RBKS: variants seen among roughly 807,000 people sequenced by gnomAD.
RBKS encodes ribokinase.
In RBKS, 33 loss-of-function variants were observed where a neutral mutation model predicts 33.9. The ratio of observed to expected loss-of-function variants is 0.97; its 90% CI spans 0.74 to 1.30. The LOEUF (loss-of-function observed/expected upper bound fraction) is 1.30. RBKS is among the 50% of genes most tolerant of loss of function. The pLI is 0.00. For synonymous variants in RBKS, 125 were observed against 143.0 expected, an observed-to-expected ratio of 0.87 and a Z score of 0.90; for missense variants, 361 against 392.6, an observed-to-expected ratio of 0.92 and a Z score of 0.68.
intron 7 of RBKS, among the ~76,000 whole-genome samples, chr2:27,811,761 C>G (rs928607217): frequency 2.6e-5 from 4 of 152,282 alleles, no homozygotes; most frequent in East Asian, 3.9e-4. Context: ...AAAACTAGCA[C>G]GGCAAGAGCA....
intron 7 of RBKS, among the ~76,000 whole-genome samples, chr2:27,803,210 A>G (rs903324327): frequency 6.6e-6 from 1 of 152,134 alleles, no homozygotes; most frequent in Non-Finnish European, 1.5e-5. Flanking sequence ...CTGAACCTCA[A>G]CCTTGCAGCC....
At chr2:27,799,220 G>A (rs929822301) in intron 7 of RBKS, among the ~76,000 whole-genome samples, 1 of 152,222 alleles carries the variant, frequency 6.6e-6, no homozygotes, top group Non-Finnish European at 1.5e-5. Flanking sequence ...TGATGGGTAT[G>A]AAGTGTAGCT....
intron 1 of RBKS, among the ~76,000 whole-genome samples, chr2:27,863,951 G>A (rs1039773792): frequency 3.3e-5 from 5 of 152,046 alleles, no homozygotes; most frequent in African/African-American, 4.8e-5. Flanking sequence ...ATTTGCAGAC[G>A]TATATGTTAT....
chr2:27,786,912 C>T (rs969143040), intron 7 of RBKS, among the ~76,000 whole-genome samples: 1 of 152,220 alleles, frequency 6.6e-6, no homozygotes, highest in Non-Finnish European at 1.5e-5. Flanking sequence ...ACTGTGTGTG[C>T]TGGAAGCATT....
At chr2:27,804,191 C>T (rs1226503211) in intron 7 of RBKS, among the ~76,000 whole-genome samples, 1 of 152,120 alleles carries the variant, frequency 6.6e-6, no homozygotes, top group Non-Finnish European at 1.5e-5. Flanking sequence ...AATTCATTAG[C>T]TATTGGATTT....
chr2:27,824,107 G>A (rs1011076264), intron 7 of RBKS, among the ~76,000 whole-genome samples: 13 of 151,998 alleles, frequency 8.6e-5, no homozygotes, highest in Non-Finnish European at 1.2e-4. Flanking sequence ...ACCTATTCTG[G>A]ATATTTCATA....
At chr2:27,884,959 C>T (rs1430117235) in intron 1 of RBKS, among the ~76,000 whole-genome samples, 1 of 152,166 alleles carries the variant, frequency 6.6e-6, no homozygotes, top group Non-Finnish European at 1.5e-5. Context: ...AGCCTCATGG[C>T]TTTAAATACC....
At position 27,890,326 on chromosome 2, in the gene RBKS, G is replaced by T; in HGVS notation, c.20C>A (p.Pro7His). 6.2e-7 allele frequency: 1 copy of T among 1,613,692 alleles called. No homozygotes were observed. The highest frequency in any genetic ancestry group is 8.5e-7 in the Non-Finnish European group (1 of 1,179,992). MAASGE[P>H]QRQWQEEVAA... Reference sequence around the variant, plus strand: ...CACCTCCTCTTGCCACTGCCTCTGGGGTTCCCCAGACGCCGCCATCGCTCA... The same window carrying T: ...CACCTCCTCTTGCCACTGCCTCTGGTGTTCCCCAGACGCCGCCATCGCTCA... The change falls in exon 1 of 8, where the codon CCC becomes CAC. Residue 7 changes from proline to histidine, a missense_variant. Physicochemically the swap from Pro to His is moderately conservative, Grantham distance 77. Coordinates refer to ENST00000302188, the MANE Select transcript of RBKS (RefSeq NM_022128.3). This position sits in a 1 kb window ranked among gnomAD's most constrained non-coding sequence, Gnocchi z 4.8.
At chr2:27,829,965 G>A (rs1420035378) in intron 6 of RBKS, among the ~76,000 whole-genome samples, 3 of 152,202 alleles carry the variant, frequency 2.0e-5, no homozygotes, top group Non-Finnish European at 4.4e-5. Flanking sequence ...CTGTGGGCTC[G>A]GCTCCAGTCC....
chr2:27,856,692 T>A (rs1663863290), intron 2 of RBKS, among the ~76,000 whole-genome samples: 1 of 152,140 alleles, frequency 6.6e-6, no homozygotes, highest in Non-Finnish European at 1.5e-5. Flanking sequence ...CTCTAGGAAC[T>A]CCCCTCTTCC....
At chr2:27,867,728 G>A (rs1664128753) in intron 1 of RBKS, among the ~76,000 whole-genome samples, 1 of 152,176 alleles carries the variant, frequency 6.6e-6, no homozygotes. Flanking sequence ...GGGAGGTGGG[G>A]AATGAGCTAA....
intron 1 of RBKS, among the ~76,000 whole-genome samples, chr2:27,869,474 T>C (rs1228519652): frequency 6.6e-6 from 1 of 152,202 alleles, no homozygotes; most frequent in African/African-American, 2.4e-5. Context: ...CTTAATGTTC[T>C]GTGGTATTCC....
chr2:27,822,335 G>A (rs1678227640), intron 7 of RBKS, among the ~76,000 whole-genome samples: 1 of 152,188 alleles, frequency 6.6e-6, no homozygotes, highest in Non-Finnish European at 1.5e-5. Flanking sequence ...AGGGTGGGGA[G>A]AGGAGAATGT....
intron 1 of RBKS, among the ~76,000 whole-genome samples, chr2:27,875,635 C>A (rs1017839678): frequency 6.6e-6 from 1 of 152,186 alleles, no homozygotes; most frequent in African/African-American, 2.4e-5. Flanking sequence ...AGGAAACAGA[C>A]ATGAGTCCAA....
chr2:27,846,427 T>C (rs765336690), intron 4 of RBKS, among the ~76,000 whole-genome samples: 41 of 152,214 alleles, frequency 2.7e-4, no homozygotes, highest in Admixed American at 3.3e-4. Context: ...CTTTAGCCTC[T>C]GAAAGCATTG....
At chr2:27,815,127 T>G (rs1483239779) in intron 7 of RBKS, among the ~76,000 whole-genome samples, 1 of 152,038 alleles carries the variant, frequency 6.6e-6, no homozygotes, top group African/African-American at 2.4e-5. Flanking sequence ...CTTGTCCAAC[T>G]CCATCAGCAG....
intron 1 of RBKS, among the ~76,000 whole-genome samples, chr2:27,879,592 T>C (rs1664380700): frequency 6.6e-6 from 1 of 152,142 alleles, no homozygotes; most frequent in Non-Finnish European, 1.5e-5. Flanking sequence ...GGACTCTCCA[T>C]TGTGGAGAGA....
chr2:27,786,533 A>T (rs886442612), intron 7 of RBKS, among the ~76,000 whole-genome samples: 1 of 152,236 alleles, frequency 6.6e-6, no homozygotes, highest in Non-Finnish European at 1.5e-5. Flanking sequence ...CTATAATACC[A>T]GCACTTTGGG....
intron 5 of RBKS, among the ~76,000 whole-genome samples, chr2:27,842,585 A>G (rs1663531512): frequency 6.6e-6 from 1 of 152,152 alleles, no homozygotes; most frequent in Non-Finnish European, 1.5e-5. Context: ...CATGCAGCTT[A>G]ACCTCTGCTT....
Sources: allele counts gnomAD v4.1 joint callset (sites outside exome capture counted in the v4.1 genomes callset), GRCh38; gene constraint gnomAD v4.1.1; non-coding constraint Gnocchi (gnomAD v3.1); transcripts MANE v1.5; gene names NCBI Gene and HGNC (gene_info 2026-07-23, HGNC 2026-07-21).